MCEE: variants seen among roughly 807,000 people sequenced by gnomAD.
MCEE encodes the protein methylmalonyl-CoA epimerase, also known as methylmalonyl-CoA epimerase, mitochondrial.
A neutral mutation model predicts 12.9 loss-of-function variants in MCEE; 6 were observed. The ratio of observed to expected loss-of-function variants is 0.47; its 90% CI spans 0.26 to 0.92. The LOEUF (loss-of-function observed/expected upper bound fraction) is 0.92, where lower values mean the gene tolerates loss of function less well. Ranked by LOEUF, MCEE falls within the 40% of genes least tolerant of loss-of-function variation. The pLI is 0.16. For missense variants in MCEE, 214 were observed against 212.1 expected, an observed-to-expected ratio of 1.01 and a Z score of -0.05; for synonymous variants, 78 against 77.9, an observed-to-expected ratio of 1.00 and a Z score of -0.01.
chr2:71,125,426 C>T (rs1011348875), intron 1 of MCEE, among the ~76,000 whole-genome samples: 3 of 151,380 alleles, frequency 2.0e-5, no homozygotes, highest in East Asian at 1.9e-4. Flanking sequence ...AGGCTGGTCT[C>T]GAACTCCTGA....
chr2:71,129,716 C>T, intron 1 of MCEE: 1 of 244,984 alleles, frequency 4.1e-6, no homozygotes, highest in Non-Finnish European at 8.2e-6. Flanking sequence ...ACACCACTGA[C>T]CTTTGAGTGT....
At chr2:71,121,364 G>A (rs1466766993) in intron 2 of MCEE, among the ~76,000 whole-genome samples, 1 of 152,198 alleles carries the variant, frequency 6.6e-6, no homozygotes, top group African/African-American at 2.4e-5. Flanking sequence ...GGACAGCAGA[G>A]CTGCCCATCA....
chr2:71,128,098 AT>A (rs11426874), intron 1 of MCEE, among the ~76,000 whole-genome samples: 5 of 151,790 alleles, frequency 3.3e-5, no homozygotes, highest in African/African-American at 4.8e-5. Context: ...ACTATGATCA[AT>A]TTTTTTTATT....
At chr2:71,110,463 G>A (rs537047354) in intron 2 of MCEE, among the ~76,000 whole-genome samples, 61 of 152,208 alleles carry the variant, frequency 4.0e-4, no homozygotes, top group Non-Finnish European at 7.9e-4. Context: ...AGAACCCTGG[G>A]TCCTCATCTA....
intron 1 of MCEE, among the ~76,000 whole-genome samples, chr2:71,128,668 A>T (rs79617319): frequency 0.32 from 48,895 of 151,640 alleles, 9,876 homozygotes; most frequent in East Asian, 0.66. Context: ...TACCCGGGAT[A>T]ACAGGCGTGT....
intron 2 of MCEE, chr2:71,116,739 A>C (rs1017595768): frequency 1.3e-5 from 2 of 149,412 alleles, no homozygotes; most frequent in African/African-American, 2.6e-5. Context: ...GATAGGTTTC[A>C]CCATGTTGGC....
chr2:71,112,598 G>C (rs1202777290), intron 2 of MCEE, among the ~76,000 whole-genome samples: 1 of 151,768 alleles, frequency 6.6e-6, no homozygotes, highest in African/African-American at 2.4e-5. Flanking sequence ...ACCATGCCTG[G>C]CTAATTTTTG....
At chr2:71,121,927 C>T (rs556737257) in intron 2 of MCEE, among the ~76,000 whole-genome samples, 1 of 152,318 alleles carries the variant, frequency 6.6e-6, no homozygotes, top group African/African-American at 2.4e-5. Flanking sequence ...GGTAAGAGTG[C>T]AGACCCTGGA....
chr2:71,111,611 AT>A (rs1672886778), intron 2 of MCEE, among the ~76,000 whole-genome samples: 1 of 152,130 alleles, frequency 6.6e-6, no homozygotes, highest in African/African-American at 2.4e-5. Context: ...CATGCGTGCA[AT>A]ACTCGAAGCT....
chr2:71,124,985 A>G (rs1449971483), intron 1 of MCEE, among the ~76,000 whole-genome samples: 3 of 151,558 alleles, frequency 2.0e-5, no homozygotes, highest in Non-Finnish European at 4.4e-5. Flanking sequence ...TATACATTAA[A>G]AGAGTACATA....
intron 2 of MCEE, among the ~76,000 whole-genome samples, chr2:71,121,695 G>C (rs900975374): frequency 3.3e-5 from 5 of 151,174 alleles, no homozygotes; most frequent in South Asian, 4.2e-4. Flanking sequence ...GTGTGGGAGA[G>C]GGGGGAGTGG....
chr2:71,125,039 T>G lies in MCEE; in HGVS notation c.41-496A>C, dbSNP rs961486485. On this transcript the variant is annotated intron_variant, in intron 1 of 2. Coordinates refer to ENST00000244217, the MANE Select transcript of MCEE (RefSeq NM_032601.4). ...TGTTGCCCAGGCCGGAGTGCTGGAGTGCAACAGTGCGATCTCAGCTCACTG... is the reference window on the plus strand; with the variant it reads ...TGTTGCCCAGGCCGGAGTGCTGGAGGGCAACAGTGCGATCTCAGCTCACTG... 2.0e-5 allele frequency among the ~76,000 whole-genome samples: 3 copies of G among 151,024 alleles called. No individual in the cohort carries two copies. In the Admixed American group the frequency reaches 2.0e-4, roughly 10 times the overall value.
intron 2 of MCEE, among the ~76,000 whole-genome samples, chr2:71,119,001 C>T (rs1010775298): frequency 6.7e-6 from 1 of 150,112 alleles, no homozygotes; most frequent in Non-Finnish European, 1.5e-5. Flanking sequence ...AGGATCCCAA[C>T]ACCCTGCTTT....
chr2:71,129,027 CCACACA>C (rs147137564), intron 1 of MCEE, among the ~76,000 whole-genome samples: 4 of 148,096 alleles, frequency 2.7e-5, no homozygotes, highest in Non-Finnish European at 6.0e-5. Flanking sequence ...GTATATTCAA[CCACACA>C]CACACACACA....
At chr2:71,126,940 C>T (rs1436546611) in intron 1 of MCEE, among the ~76,000 whole-genome samples, 2 of 152,206 alleles carry the variant, frequency 1.3e-5, no homozygotes, top group African/African-American at 4.8e-5. Flanking sequence ...ATTCACAGCT[C>T]TTTAGTTTTA....
At chr2:71,114,350 TAA>T (rs60308872) in intron 2 of MCEE, among the ~76,000 whole-genome samples, 38 of 150,132 alleles carry the variant, frequency 2.5e-4, no homozygotes, top group African/African-American at 3.9e-4. Flanking sequence ...AAAATAAAAT[TAA>T]AAAAAAAAAA....
chr2:71,122,774 T>TA (rs1393720269), intron 2 of MCEE, among the ~76,000 whole-genome samples: 1 of 152,218 alleles, frequency 6.6e-6, no homozygotes, highest in Admixed American at 6.5e-5. Flanking sequence ...TGTCGAGGCA[T>TA]AAGCCACCAC....
rs200681141 is a variant in MCEE at position 71,124,313 on chromosome 2, G to T, written c.271C>A (p.Leu91Met). The change falls in exon 2 of 3, where the codon CTG becomes ATG. Residue 91 changes from leucine to methionine, a missense_variant. By Grantham distance (15) the Leu-to-Met change is conservative (BLOSUM62 2). Coordinates refer to ENST00000244217, the MANE Select transcript of MCEE (RefSeq NM_032601.4). Reference protein sequence around the residue: ...EHGVSVVFVNLGNTKMELLHP... With the variant: ...EHGVSVVFVNMGNTKMELLHP... ...AGCAGTTCCATCTTGGTATTTCCCA[G>T]GTTGACAAAAACAACAGATACTCCA... 3.0e-5 allele frequency: 49 copies of T among 1,613,984 alleles called. No homozygotes were observed. The highest frequency in any genetic ancestry group is 4.2e-5 in the Non-Finnish European group (49 of 1,179,982).
chr2:71,115,508 T>A (rs1385100070), intron 2 of MCEE, among the ~76,000 whole-genome samples: 1 of 150,994 alleles, frequency 6.6e-6, no homozygotes, highest in East Asian at 1.9e-4. Context: ...AGTGTTGCTA[T>A]ACATTTTATG....
Sources: allele counts gnomAD v4.1 joint callset (sites outside exome capture counted in the v4.1 genomes callset), GRCh38; gene constraint gnomAD v4.1.1; transcripts MANE v1.5; gene names NCBI Gene and HGNC (gene_info 2026-07-23, HGNC 2026-07-21).